Variants in MTMR3 observed in about 807,000 individuals in gnomAD.
MTMR3 encodes the protein myotubularin related protein 3.
In MTMR3, 32 loss-of-function variants were observed where a neutral mutation model predicts 132.4. That is an observed-to-expected ratio of 0.24 (90% CI 0.18 to 0.32). The LOEUF (loss-of-function observed/expected upper bound fraction) is 0.32. MTMR3 is among the 10% of genes least tolerant of loss of function. MTMR3 has a pLI of 1.00. For missense variants in MTMR3, 1,216 were observed against 1,489.6 expected, an observed-to-expected ratio of 0.82 and a Z score of 3.02; for synonymous variants, 556 against 550.3, an observed-to-expected ratio of 1.01 and a Z score of -0.14.
Position 29,943,041 on chromosome 22 carries a change from A to G in MTMR3, c.-137-13995A>G, listed in dbSNP as rs913244047. 6.6e-5 allele frequency among the ~76,000 whole-genome samples: 10 copies of G among 152,348 alleles called. No homozygotes were observed. The East Asian group carries it at 1.9e-3, about 29-fold the overall frequency. ...TTCATAATTTATGTTCAGAGATTGC[A>G]GTAAAGACAGGTGTAAGAAATTATA... is the stretch of plus-strand genomic sequence containing the variant. On this transcript the variant is annotated intron_variant, in intron 1 of 19. Transcript: ENST00000401950.
intron 1 of MTMR3, among the ~76,000 whole-genome samples, chr22:29,925,382 A>T (rs1397463086): frequency 6.6e-6 from 1 of 152,084 alleles, no homozygotes; most frequent in African/African-American, 2.4e-5. Flanking sequence ...TTCTGTCTGG[A>T]TATATTGGAC....
intron 1 of MTMR3, among the ~76,000 whole-genome samples, chr22:29,898,186 G>A (rs1444477810): frequency 6.6e-6 from 1 of 152,096 alleles, no homozygotes; most frequent in Non-Finnish European, 1.5e-5. Flanking sequence ...TCATATGAAT[G>A]AATAGTACAC....
chr22:29,906,666 T>G (rs751642436), intron 1 of MTMR3, among the ~76,000 whole-genome samples: 1 of 152,178 alleles, frequency 6.6e-6, no homozygotes, highest in Non-Finnish European at 1.5e-5. Context: ...GAAAGCATTA[T>G]TACTATCCAT....
chr22:29,904,691 G>A (rs1237253288), intron 1 of MTMR3, among the ~76,000 whole-genome samples: 1 of 152,158 alleles, frequency 6.6e-6, no homozygotes, highest in Non-Finnish European at 1.5e-5. Context: ...TTTCCCCTAA[G>A]GATCTGTGTT....
chr22:29,953,847 T>G (rs2066129696), intron 1 of MTMR3, among the ~76,000 whole-genome samples: 1 of 152,196 alleles, frequency 6.6e-6, no homozygotes, highest in African/African-American at 2.4e-5. Flanking sequence ...AAGCATCCCT[T>G]GTTATTTTTA....
intron 3 of MTMR3, among the ~76,000 whole-genome samples, chr22:29,973,923 T>C (rs1400097258): frequency 6.6e-6 from 1 of 152,168 alleles, no homozygotes; most frequent in Admixed American, 6.5e-5. Context: ...TAAATATTTA[T>C]CTCTATGGTT....
At chr22:29,980,194 A>T (rs912659039) in intron 5 of MTMR3, 1 of 150,114 alleles carries the variant, frequency 6.7e-6, no homozygotes, top group Non-Finnish European at 1.5e-5. Flanking sequence ...TCAGCAATTA[A>T]AAAAAGACTC....
intron 2 of MTMR3, among the ~76,000 whole-genome samples, chr22:29,967,785 A>C (rs1010666429): frequency 1.3e-5 from 2 of 152,060 alleles, no homozygotes; most frequent in African/African-American, 4.8e-5. Flanking sequence ...TGGACATCTC[A>C]TACAAATGGA....
chr22:30,013,570 C>A, intron 14 of MTMR3, 29 bp downstream of exon 14: 2 of 1,604,152 alleles, frequency 1.2e-6, no homozygotes, highest in South Asian at 1.1e-5. Flanking sequence ...GGGACTTTCT[C>A]AATTTGAAGG....
At chr22:29,920,596 T>C (rs1483259687) in intron 1 of MTMR3, among the ~76,000 whole-genome samples, 2 of 152,214 alleles carry the variant, frequency 1.3e-5, no homozygotes, top group Admixed American at 1.3e-4. Flanking sequence ...ATTTAAACTT[T>C]TTGGATGGTA....
intron 14 of MTMR3, chr22:30,015,502 C>CTCCCTCCCTCCT (rs1405918669): frequency 7.0e-6 from 1 of 143,522 alleles, no homozygotes; most frequent in Non-Finnish European, 1.5e-5. Context: ...CCCTCCCTCC[C>CTCCCTCCCTCCT]TCCCTCCCTC....
intron 10 of MTMR3, 98 bp from the exon 11 acceptor site, chr22:30,007,803 G>A: frequency 7.0e-7 from 1 of 1,419,896 alleles, no homozygotes; most frequent in East Asian, 2.3e-5. Context: ...ATTTTATTGA[G>A]CCTTTTTTGT....
At chr22:30,012,269 G>T in intron 12 of MTMR3, 99 bp from the exon 13 acceptor site, 1 of 1,317,724 alleles carries the variant, frequency 7.6e-7, no homozygotes, top group East Asian at 2.3e-5. Flanking sequence ...TTTGGAGAGA[G>T]AAATCTTTGG....
At chr22:29,994,828 G>A (rs2067030886) in intron 7 of MTMR3, 1 of 152,220 alleles carries the variant, frequency 6.6e-6, no homozygotes, top group African/African-American at 2.4e-5. Context: ...CAGCTCTAAG[G>A]CTTAATCAGC....
intron 1 of MTMR3, among the ~76,000 whole-genome samples, chr22:29,937,548 C>T (rs528909982): frequency 6.6e-6 from 1 of 152,068 alleles, no homozygotes; most frequent in South Asian, 2.1e-4. Context: ...TCCCGAGTAG[C>T]GGGGACTATA....
At chr22:29,949,135 ACACACACACCCCCCCCCC>A (rs1747359093) in intron 1 of MTMR3, among the ~76,000 whole-genome samples, 1 of 31,226 alleles carries the variant, frequency 3.2e-5, no homozygotes, top group African/African-American at 2.0e-4. Flanking sequence ...ACACACACAC[ACACACACACCCCCCCCCC>A]CCCCCCCGAG....
intron 1 of MTMR3, among the ~76,000 whole-genome samples, chr22:29,911,169 G>A (rs1602455413): frequency 6.6e-6 from 1 of 152,238 alleles, no homozygotes; most frequent in Admixed American, 6.5e-5. Context: ...GGATCCCATG[G>A]CACTGTGCCT....
intron 2 of MTMR3, among the ~76,000 whole-genome samples, chr22:29,962,704 T>C (rs548715834): frequency 2.2e-4 from 33 of 152,182 alleles, no homozygotes; most frequent in African/African-American, 7.9e-4. Flanking sequence ...ACTTCATAGC[T>C]GTCAACCTCT....
chr22:29,970,497 CTTTTTTTT>C (rs11326857), intron 2 of MTMR3, among the ~76,000 whole-genome samples: 3 of 57,744 alleles, frequency 5.2e-5, no homozygotes, highest in African/African-American at 1.6e-4. Flanking sequence ...CCATGACCAG[CTTTTTTTT>C]TTTTTTTTTT....
Sources: gnomAD v4.1 joint callset for allele counts (sites outside exome capture counted in the v4.1 genomes callset) on GRCh38, gnomAD v4.1.1 for gene constraint, MANE v1.5 for transcripts, NCBI Gene and HGNC (gene_info 2026-07-23, HGNC 2026-07-21) for gene names.